KICS2: variants seen among roughly 807,000 people sequenced by gnomAD.
KICS2 encodes the protein KICSTOR subunit 2.
In KICS2, 13 loss-of-function variants were observed where a neutral mutation model predicts 31.4. The ratio of observed to expected loss-of-function variants is 0.41; its 90% CI spans 0.27 to 0.66. The LOEUF (loss-of-function observed/expected upper bound fraction) is 0.66. Ranked by LOEUF, KICS2 falls within the 30% of genes least tolerant of loss-of-function variation. KICS2 has a pLI of 0.28. For synonymous variants in KICS2, 209 were observed against 214.8 expected (o/e 0.97, Z 0.24); for missense variants, 455 against 545.4 (o/e 0.83, Z 1.65).
downstream of KICS2, chr12:64,190,969 TCCTGGATGGAAC>T (rs2037373844): frequency 6.6e-6 from 1 of 152,152 alleles, no homozygotes; most frequent in Non-Finnish European, 1.5e-5. Flanking sequence ...AATGAAATAC[TCCTGGATGGAAC>T]CCTTGGAAAA....
chr12:64,193,503 C>T lies in KICS2; in HGVS notation c.*339G>A. ...GAGGCTGTTTGGAATTGCAGTAGAA[C>T]ACAATGTTTAGAACAACAGAAAAAC... On this transcript the variant is annotated 3_prime_UTR_variant, in exon 3 of 3. Coordinates refer to ENST00000398055, the MANE Select transcript of KICS2 (RefSeq NM_152440.5). The T allele has an allele frequency of 1.9e-6, 2 of 1,038,608 alleles. No homozygotes were observed. Among genetic ancestry groups the T allele is most frequent in the South Asian group, 4.1e-5 (1 of 24,326 alleles). 64.3% of individuals were successfully genotyped at this position (1,038,608 alleles called of 1,614,324 possible).
intron 1 of KICS2, among the ~76,000 whole-genome samples, chr12:64,221,163 G>A (rs1592391656): frequency 6.6e-6 from 1 of 152,088 alleles, no homozygotes; most frequent in South Asian, 2.1e-4. Context: ...TCTATTCTCT[G>A]TATTTTATAT....
intron 2 of KICS2, among the ~76,000 whole-genome samples, chr12:64,201,634 C>G (rs368919160): frequency 1.0e-5 from 1 of 99,946 alleles, no homozygotes; most frequent in Non-Finnish European, 2.1e-5. Flanking sequence ...AAAAAAAAAA[C>G]AAAATGGTGG....
At chr12:64,219,974 T>C (rs185871615) in intron 1 of KICS2, among the ~76,000 whole-genome samples, 168 of 152,300 alleles carry the variant, frequency 1.1e-3, no homozygotes, top group South Asian at 2.1e-3. Context: ...GTAAACCGGG[T>C]AATTGTGTAG....
intron 1 of KICS2, among the ~76,000 whole-genome samples, chr12:64,218,324 T>C (rs1268623325): frequency 2.6e-5 from 4 of 152,166 alleles, no homozygotes; most frequent in African/African-American, 7.2e-5. Flanking sequence ...CTGAAAGACT[T>C]GGTTTCAAAC....
In KICS2 at chr12:64,220,222, A is replaced by G. The variant is rs909697481; in HGVS notation, c.235+1781T>C. 3.3e-5 allele frequency among the ~76,000 whole-genome samples: 5 copies of G among 152,328 alleles called. No homozygotes were observed. The East Asian group carries it at 7.7e-4, about 24-fold the overall frequency. On this transcript the variant is annotated intron_variant, in intron 1 of 2. Transcript: ENST00000398055. The stretch of plus-strand genomic sequence containing the variant: ...AGGTCAGTTTCAAGGCATAGTCCTC[A>G]TGCTCACCCATGCCAGCTGGGGTTC...
intron 1 of KICS2, among the ~76,000 whole-genome samples, chr12:64,217,719 T>C (rs1273447318): frequency 2.0e-5 from 3 of 151,862 alleles, no homozygotes; most frequent in Non-Finnish European, 4.4e-5. Flanking sequence ...GAGAATCGCT[T>C]GAACCAGGGA....
chr12:64,216,304 G>A (rs1018669926), intron 1 of KICS2, among the ~76,000 whole-genome samples: 2 of 152,050 alleles, frequency 1.3e-5, no homozygotes, highest in Non-Finnish European at 2.9e-5. Context: ...ATTCAATGAG[G>A]ATTCAGATTT....
chr12:64,215,494 A>G (rs997599654), intron 2 of KICS2, among the ~76,000 whole-genome samples, 184 bp downstream of exon 2: 14 of 152,174 alleles, frequency 9.2e-5, no homozygotes, highest in African/African-American at 3.1e-4. Context: ...TGTGGTGTTA[A>G]TAAGACCAAT....
intron 2 of KICS2, among the ~76,000 whole-genome samples, chr12:64,211,865 A>G (rs903240227): frequency 6.6e-6 from 1 of 152,366 alleles, no homozygotes; most frequent in Non-Finnish European, 1.5e-5. Context: ...AAATCTGAAC[A>G]TGGACTATGT....
intron 2 of KICS2, among the ~76,000 whole-genome samples, chr12:64,203,116 C>G (rs1262174702): frequency 6.6e-6 from 1 of 152,104 alleles, no homozygotes; most frequent in African/African-American, 2.4e-5. Context: ...CCTCCCCAAG[C>G]GGAAGTAATA....
chr12:64,221,999 G>T lies in KICS2; in HGVS notation c.235+4C>A. On this transcript the variant is annotated splice_donor_region_variant and intron_variant, in intron 1 of 2. Coordinates refer to ENST00000398055, the MANE Select transcript of KICS2 (RefSeq NM_152440.5). The stretch of plus-strand genomic sequence containing the variant: ...AAGGGGCTCGGGGGGCGGGGCGGAG[G>T]TACCTAGTTTCTGCCCCAGGTAGGT... 6.2e-7 allele frequency: 1 copy of T among 1,612,398 alleles called. No individual in the cohort carries two copies. The highest frequency in any genetic ancestry group is 8.5e-7 in the Non-Finnish European group (1 of 1,179,246).
At chr12:64,209,824 T>C (rs2037568458) in intron 2 of KICS2, among the ~76,000 whole-genome samples, 1 of 152,326 alleles carries the variant, frequency 6.6e-6, no homozygotes, top group Admixed American at 6.5e-5. Flanking sequence ...TATTTCAGCA[T>C]TTGAAACATA....
intron 2 of KICS2, among the ~76,000 whole-genome samples, chr12:64,203,031 C>CCT (rs2037505311): frequency 6.6e-6 from 1 of 152,068 alleles, no homozygotes; most frequent in East Asian, 1.9e-4. Context: ...TTTCTTAATA[C>CCT]CTCTCTCCCA....
At chr12:64,209,509 C>T (rs1390637806) in intron 2 of KICS2, among the ~76,000 whole-genome samples, 1 of 152,104 alleles carries the variant, frequency 6.6e-6, no homozygotes, top group Non-Finnish European at 1.5e-5. Flanking sequence ...CGCTTGAACC[C>T]AGGAGGCGGA....
At chr12:64,186,974 G>A (rs568841487), downstream of KICS2, 1 of 152,306 alleles carries the variant, frequency 6.6e-6, no homozygotes, top group Admixed American at 6.5e-5. Flanking sequence ...GGGGGTAAAG[G>A]GTGTGCCCTA....
chr12:64,188,693 T>C (rs939274002), downstream of KICS2, among the ~76,000 whole-genome samples: 1 of 151,874 alleles, frequency 6.6e-6, no homozygotes, highest in Non-Finnish European at 1.5e-5. Context: ...AAAGTCATAA[T>C]ATTTACCAAA....
At position 64,193,700 on chromosome 12, in the gene KICS2, G is replaced by A. The variant is rs2037403180; in HGVS notation, c.*142C>T. 1.4e-6 allele frequency: 2 copies of A among 1,440,050 alleles called. No individual in the cohort carries two copies. Among genetic ancestry groups the A allele is most frequent in the Non-Finnish European group, 1.8e-6 (2 of 1,102,422 alleles). The allele number at this position is 1,440,050 out of a possible 1,614,324, so 89.2% of individuals were successfully genotyped here. A position where few individuals can be genotyped will look rare whatever the true frequency, so the allele number is the denominator to read the frequency against. ...AATTGGCCTTAATTGCTTATAAAGT[G>A]TGCAACACAGGGAGGATTTGTCTTT... is the stretch of plus-strand genomic sequence containing the variant. On this transcript the variant is annotated 3_prime_UTR_variant, in exon 3 of 3. Coordinates refer to ENST00000398055, the MANE Select transcript of KICS2 (RefSeq NM_152440.5).
downstream of KICS2, chr12:64,187,647 A>G: frequency 3.3e-6 from 5 of 1,535,904 alleles, no homozygotes; most frequent in Non-Finnish European, 3.5e-6. Context: ...CATTGGTAAC[A>G]GGAACCTGGT....
Sources: allele counts gnomAD v4.1 joint callset (sites outside exome capture counted in the v4.1 genomes callset), GRCh38; gene constraint gnomAD v4.1.1; transcripts MANE v1.5; gene names NCBI Gene and HGNC (gene_info 2026-07-23, HGNC 2026-07-21).